The following OSBPL3 variants were observed in gnomAD, a reference collection of about 807,000 sequenced individuals.
OSBPL3 encodes oxysterol binding protein like 3.
In OSBPL3, 65 loss-of-function variants were observed where a neutral mutation model predicts 120.1. The observed-to-expected ratio is 0.54, with a 90% CI of 0.44 to 0.67. The LOEUF is 0.67. Ranked by LOEUF, OSBPL3 falls within the 30% of genes least tolerant of loss-of-function variation. OSBPL3 has a pLI of 0.00. For synonymous variants in OSBPL3, 416 were observed against 402.6 expected (o/e 1.03, Z -0.40); for missense variants, 1,004 against 1,082.1 (o/e 0.93, Z 1.01).
At chr7:24,911,732 G>A (rs368316779) in intron 1 of OSBPL3, among the ~76,000 whole-genome samples, 1 of 152,174 alleles carries the variant, frequency 6.6e-6, no homozygotes, top group South Asian at 2.1e-4. Context: ...ACTAATTTAG[G>A]GAACATAGGT....
At chr7:24,801,486 C>G (rs1792351707) in intron 22 of OSBPL3, among the ~76,000 whole-genome samples, 1 of 152,150 alleles carries the variant, frequency 6.6e-6, no homozygotes, top group Non-Finnish European at 1.5e-5. Context: ...TGTGTGAACA[C>G]ACACTCTATT....
intron 1 of OSBPL3, among the ~76,000 whole-genome samples, chr7:24,897,567 C>T (rs1394500993): frequency 2.6e-5 from 4 of 152,012 alleles, no homozygotes; most frequent in South Asian, 2.1e-4. Flanking sequence ...CCTCGTGATC[C>T]GCCCGCCTCG....
Position 24,863,069 on chromosome 7 carries a change from G to T in OSBPL3, c.870+131C>A. The T allele has an allele frequency of 1.5e-6, 1 of 681,186 alleles. No individual in the cohort carries two copies. Among genetic ancestry groups the T allele is most frequent in the Non-Finnish European group, 2.7e-6 (1 of 374,048 alleles). 42.2% of individuals were successfully genotyped at this position (681,186 alleles called of 1,614,324 possible). A position where few individuals can be genotyped will look rare whatever the true frequency, so the allele number is the denominator to read the frequency against. On this transcript the variant is annotated intron_variant, in intron 9 of 22. Transcript: ENST00000313367. This position sits in a 1 kb window ranked among gnomAD's most constrained non-coding sequence, Gnocchi z 5.8. ...GTGATTCAATTCATCTCGCTACAGA[G>T]GACACTGGAAAGAACAACTACAGAA...
chr7:24,904,207 A>G (rs978510344), intron 1 of OSBPL3, among the ~76,000 whole-genome samples: 3 of 152,142 alleles, frequency 2.0e-5, no homozygotes, highest in Non-Finnish European at 2.9e-5. Flanking sequence ...TAACAGCATG[A>G]CAAGGAAGAC....
intron 1 of OSBPL3, among the ~76,000 whole-genome samples, chr7:24,948,554 G>A (rs1814017280): frequency 6.6e-6 from 1 of 152,190 alleles, no homozygotes; most frequent in African/African-American, 2.4e-5. Flanking sequence ...GGGTGATAAT[G>A]CAATACCTTC....
chr7:24,944,076 T>TAA (rs70942898), intron 1 of OSBPL3, among the ~76,000 whole-genome samples: 109 of 118,684 alleles, frequency 9.2e-4, no homozygotes, highest in East Asian at 3.1e-3. Flanking sequence ...CAGTCTAAAG[T>TAA]AAAAAAAAAA....
chr7:24,936,321 T>C lies in OSBPL3; in HGVS notation c.-150+43565A>G, dbSNP rs1190158048. On this transcript the variant is annotated intron_variant, in intron 1 of 22. Coordinates refer to ENST00000313367, the MANE Select transcript of OSBPL3 (RefSeq NM_015550.4). This position sits in a 1 kb window ranked among gnomAD's most constrained non-coding sequence, Gnocchi z 4.2. Reference sequence around the variant, plus strand: ...TCCTCTCACAATCCACAAACATGAATACGTTCTTTCAATATAACCTTTAAT... The same window carrying C: ...TCCTCTCACAATCCACAAACATGAACACGTTCTTTCAATATAACCTTTAAT... Among the ~76,000 whole-genome samples the C allele has an allele frequency of 6.6e-6, 1 of 152,172 alleles. No individual in the cohort carries two copies. Among genetic ancestry groups the C allele is most frequent in the East Asian group, 1.9e-4 (1 of 5,200 alleles).
intron 2 of OSBPL3, among the ~76,000 whole-genome samples, chr7:24,874,638 G>A (rs1355375922): frequency 6.6e-6 from 1 of 151,820 alleles, no homozygotes; most frequent in Non-Finnish European, 1.5e-5. Context: ...ACATCTGTTG[G>A]CCCTTAACAT....
At position 24,877,254 on chromosome 7, in the gene OSBPL3, TAAGA is replaced by T. The variant is rs1337570509; in HGVS notation, c.97-5189_97-5186del. Among the ~76,000 whole-genome samples the T allele has an allele frequency of 6.6e-6, 1 of 152,122 alleles. No homozygotes were observed. The highest frequency in any genetic ancestry group is 1.5e-5 in the Non-Finnish European group (1 of 68,026). On this transcript the variant is annotated intron_variant, in intron 2 of 22. Coordinates refer to ENST00000313367, the MANE Select transcript of OSBPL3 (RefSeq NM_015550.4). The surrounding 1 kb of genome is among the most constrained non-coding windows in gnomAD (Gnocchi z 4.8). ...AGACCTTGAGACAATTGGAAGGAGT[TAAGA>T]AACAGTGCAGTATGGATGGAGGCAA...
intron 2 of OSBPL3, among the ~76,000 whole-genome samples, chr7:24,890,022 G>T (rs751445188): frequency 1.2e-4 from 19 of 152,156 alleles, no homozygotes; most frequent in Non-Finnish European, 2.1e-4. Context: ...CCCTAGATGG[G>T]TCAGGGTGAG....
At position 24,799,685 on chromosome 7, in the gene OSBPL3, G is replaced by T. The variant is rs1050084924; in HGVS notation, c.*498C>A. 1.3e-5 allele frequency: 2 copies of T among 152,618 alleles called. No homozygotes were observed. The highest frequency in any genetic ancestry group is 6.5e-5 in the Admixed American group (1 of 15,270). The allele number at this position is 152,618 out of a possible 1,614,324, so 9.5% of individuals were successfully genotyped here. A position where few individuals can be genotyped will look rare whatever the true frequency, so the allele number is the denominator to read the frequency against. On this transcript the variant is annotated 3_prime_UTR_variant, in exon 23 of 23. Coordinates refer to ENST00000313367, the MANE Select transcript of OSBPL3 (RefSeq NM_015550.4). The surrounding 1 kb of genome is among the most constrained non-coding windows in gnomAD (Gnocchi z 5.3). ...TTCAGACTCCAGCACCAGCAGAATTGTTCTGTATGAGCAATTCAAGAGCTG... is the reference window on the plus strand; with the variant it reads ...TTCAGACTCCAGCACCAGCAGAATTTTTCTGTATGAGCAATTCAAGAGCTG...
At chr7:24,963,861 C>T (rs907799682) in intron 1 of OSBPL3, among the ~76,000 whole-genome samples, 1 of 151,840 alleles carries the variant, frequency 6.6e-6, no homozygotes, top group Admixed American at 6.6e-5. Context: ...CAATATCACC[C>T]ATGCAAAAAA....
Position 24,834,840 on chromosome 7 carries a change from A to G in OSBPL3, c.1496-104T>C, listed in dbSNP as rs2285688. On this transcript the variant is annotated intron_variant, in intron 14 of 22. Transcript: ENST00000313367. The surrounding 1 kb of genome is among the most constrained non-coding windows in gnomAD (Gnocchi z 5.2). Reference sequence around the variant, plus strand: ...TACGTAGCAAGTAGTCAATGTTACTATTAAACTCAGTTGTTCAGAGTATGG... The same window carrying G: ...TACGTAGCAAGTAGTCAATGTTACTGTTAAACTCAGTTGTTCAGAGTATGG... 0.25 allele frequency: 260,514 copies of G among 1,030,966 alleles called. 36,932 individuals are homozygous for G. Among genetic ancestry groups the G allele is most frequent in the Non-Finnish European group, 0.29 (211,931 of 731,124 alleles). 63.9% of individuals were successfully genotyped at this position (1,030,966 alleles called of 1,614,324 possible).
At chr7:24,838,794 T>C (rs773793694) in intron 14 of OSBPL3, among the ~76,000 whole-genome samples, 1 of 152,232 alleles carries the variant, frequency 6.6e-6, no homozygotes, top group Non-Finnish European at 1.5e-5. Context: ...AAGGGAGTGA[T>C]GTTTCTTCAT....
chr7:24,803,544 A>G lies in OSBPL3; in HGVS notation c.2567+771T>C. On this transcript the variant is annotated intron_variant, in intron 22 of 22. Coordinates refer to ENST00000313367, the MANE Select transcript of OSBPL3 (RefSeq NM_015550.4). This position sits in a 1 kb window ranked among gnomAD's most constrained non-coding sequence, Gnocchi z 4.2. ...TACCTGTACTTTGGGAGGCTGAGGC[A>G]GGTGGATCACGAGGTCAGGAGATTG... 6.6e-6 allele frequency among the ~76,000 whole-genome samples: 1 copy of G among 152,162 alleles called. No homozygotes were observed. The highest frequency in any genetic ancestry group is 1.9e-4 in the East Asian group (1 of 5,198).
chr7:24,839,762 G>A (rs890481437), intron 14 of OSBPL3, among the ~76,000 whole-genome samples: 1 of 152,064 alleles, frequency 6.6e-6, no homozygotes, highest in African/African-American at 2.4e-5. Flanking sequence ...GCAGAGGCAG[G>A]TAGATCACTT....
At chr7:24,847,059 CAAAA>C (rs10712873) in intron 12 of OSBPL3, among the ~76,000 whole-genome samples, 24 of 106,238 alleles carry the variant, frequency 2.3e-4, no homozygotes, top group Admixed American at 3.8e-4. Flanking sequence ...GACTCTGTCT[CAAAA>C]AAAAAAAAAA....
intron 1 of OSBPL3, among the ~76,000 whole-genome samples, chr7:24,976,608 T>G (rs1476570317): frequency 6.6e-6 from 1 of 152,088 alleles, no homozygotes; most frequent in Non-Finnish European, 1.5e-5. Context: ...AGGAAAGGAA[T>G]GTGCAGAGAA....
chr7:24,888,130 G>A lies in OSBPL3; in HGVS notation c.96+4247C>T, dbSNP rs144048384. Among the ~76,000 whole-genome samples, 329 of 152,194 alleles carry A rather than the reference G, an allele frequency of 2.2e-3. 1 individual carries two copies. The highest frequency in any genetic ancestry group is 7.7e-3 in the African/African-American group (320 of 41,524). On this transcript the variant is annotated intron_variant, in intron 2 of 22. Transcript: ENST00000313367. ...ACTAAAAAGGTATGAGTGGATACAC[G>A]TATGATACTGTAAAAGTTCCTGGGA...
Sources: gnomAD v4.1 joint callset for allele counts (sites outside exome capture counted in the v4.1 genomes callset) on GRCh38, gnomAD v4.1.1 for gene constraint, Gnocchi (gnomAD v3.1) non-coding constraint, MANE v1.5 for transcripts, NCBI Gene and HGNC (gene_info 2026-07-23, HGNC 2026-07-21) for gene names.